PBRM1: variants seen among roughly 807,000 people sequenced by gnomAD.
PBRM1 encodes polybromo 1.
Under a neutral mutation model 194.5 loss-of-function variants are expected in PBRM1, and 27 were observed. The ratio of observed to expected loss-of-function variants is 0.14; its 90% CI spans 0.10 to 0.19. The LOEUF (loss-of-function observed/expected upper bound fraction) is 0.19. PBRM1 is among the 10% of genes least tolerant of loss of function. The pLI, the probability that PBRM1 is intolerant of heterozygous loss-of-function variation, is 1.00. For missense variants in PBRM1, 1,466 were observed against 2,077.2 expected (o/e 0.71, Z 5.72); for synonymous variants, 655 against 693.2 (o/e 0.94, Z 0.87).
intron 11 of PBRM1, among the ~76,000 whole-genome samples, chr3:52,631,979 G>T (rs2095632963): frequency 6.6e-6 from 1 of 152,268 alleles, no homozygotes; most frequent in Middle Eastern, 3.4e-3. Flanking sequence ...TTTCCTTAAA[G>T]ATATTTATTC....
chr3:52,590,906 T>C (rs1051716919), intron 17 of PBRM1, among the ~76,000 whole-genome samples: 1 of 152,270 alleles, frequency 6.6e-6, no homozygotes, highest in African/African-American at 2.4e-5. Flanking sequence ...CATGGAATGT[T>C]TTCCCATTTG....
At chr3:52,670,908 T>C (rs1247993625) in intron 2 of PBRM1, among the ~76,000 whole-genome samples, 1 of 152,220 alleles carries the variant, frequency 6.6e-6, no homozygotes, top group African/African-American at 2.4e-5. Flanking sequence ...ACCATATTTA[T>C]TCTCCAGCCT....
At chr3:52,666,205 C>T (rs2096830754) in intron 3 of PBRM1, among the ~76,000 whole-genome samples, 1 of 152,116 alleles carries the variant, frequency 6.6e-6, no homozygotes, top group East Asian at 1.9e-4. Context: ...TGCTTAAGTC[C>T]AGGAGTTTGA....
Position 52,648,455 on chromosome 3 carries a change from A to G in PBRM1, c.715-13T>C, listed in dbSNP as rs1325481030. 4 of 1,409,778 alleles carry G rather than the reference A, an allele frequency of 2.8e-6. No individual in the cohort carries two copies. In the East Asian group the frequency reaches 6.9e-5, roughly 24 times the overall value. 87.3% of individuals were successfully genotyped at this position (1,409,778 alleles called of 1,614,324 possible). A position where few individuals can be genotyped will look rare whatever the true frequency, so the allele number is the denominator to read the frequency against. ...TGTAGCTTCCATTCTACAATAAACA[A>G]CAAAATATAGCAGTTCCTTTTAATG... On this transcript the variant is annotated splice_polypyrimidine_tract_variant and intron_variant, in intron 6 of 29. Coordinates refer to ENST00000296302, the Ensembl canonical transcript of PBRM1.
exon 29 of PBRM1, chr3:52,550,637 C>A (rs778674241): frequency 2.0e-6 from 3 of 1,524,924 alleles, no homozygotes; most frequent in Non-Finnish European, 2.6e-6. Context: ...AAAACTCCCA[C>A]CTGAAAGAGC....
upstream of PBRM1, among the ~76,000 whole-genome samples, chr3:52,684,338 T>C (rs2097271884): frequency 6.6e-6 from 1 of 152,166 alleles, no homozygotes; most frequent in African/African-American, 2.4e-5. Context: ...AGTGGACAGT[T>C]AAGAATACTT....
intron 22 of PBRM1, among the ~76,000 whole-genome samples, chr3:52,567,117 T>A (rs1241028551): frequency 6.7e-6 from 1 of 149,780 alleles, no homozygotes; most frequent in Admixed American, 6.6e-5. Context: ...GACATATATA[T>A]AAAACAATAA....
intron 10 of PBRM1, among the ~76,000 whole-genome samples, chr3:52,637,724 T>A (rs1190773431): frequency 7.2e-6 from 1 of 138,060 alleles, no homozygotes; most frequent in African/African-American, 2.7e-5. Flanking sequence ...GGCCAGGAGT[T>A]CGAGATCAGC....
At chr3:52,632,803 C>G (rs916202561) in intron 11 of PBRM1, among the ~76,000 whole-genome samples, 46 of 151,832 alleles carry the variant, frequency 3.0e-4, no homozygotes, top group African/African-American at 1.0e-3. Context: ...AAGCAATTCT[C>G]CTACCTCAGC....
chr3:52,597,877 T>C (rs188503118), intron 17 of PBRM1, among the ~76,000 whole-genome samples: 53 of 152,298 alleles, frequency 3.5e-4, no homozygotes, highest in African/African-American at 1.2e-3. Context: ...CTAATTTTTG[T>C]ATTTTTAGTC....
At position 52,610,437 on chromosome 3, in the gene PBRM1, A is replaced by G. The variant is rs1021088901; in HGVS notation, c.1925-482T>C. Among the ~76,000 whole-genome samples, 10 of 152,368 alleles carry G rather than the reference A, an allele frequency of 6.6e-5. No individual in the cohort carries two copies. The East Asian group carries it at 1.5e-3, about 23-fold the overall frequency. On this transcript the variant is annotated intron_variant, in intron 15 of 29. Transcript: ENST00000296302. ...TCTGTCCACTGAAAATCGTACAAAC[A>G]ATGACTACCTCAGTAGCAGTATAGC...
chr3:52,645,489 T>C (rs952400813), intron 7 of PBRM1, among the ~76,000 whole-genome samples: 2 of 151,748 alleles, frequency 1.3e-5, no homozygotes, highest in Non-Finnish European at 2.9e-5. Flanking sequence ...CTGTAGATCT[T>C]AGCAATCTCA....
chr3:52,627,382 C>T lies in PBRM1; in HGVS notation c.1444-12G>A, dbSNP rs2095479290. 6.4e-7 allele frequency: 1 copy of T among 1,562,648 alleles called. No individual in the cohort carries two copies. On this transcript the variant is annotated splice_polypyrimidine_tract_variant and intron_variant, in intron 12 of 29. Coordinates refer to ENST00000296302, the Ensembl canonical transcript of PBRM1. ...TCTTTCTTCTTTGCCTAAAACAGAG[C>T]AGATCTCAGGAGTTGAGCTCATGTG... is the stretch of plus-strand genomic sequence containing the variant.
chr3:52,684,740 A>G (rs1312986682), intron 1 of PBRM1: 1 of 152,214 alleles, frequency 6.6e-6, no homozygotes, highest in Non-Finnish European at 1.5e-5. Flanking sequence ...TATCTTGGGA[A>G]TTTTGGTAGG....
chr3:52,563,227 T>G, intron 24 of PBRM1, 56 bp downstream of exon 26: 1 of 1,380,286 alleles, frequency 7.2e-7, no homozygotes, highest in South Asian at 1.2e-5. Context: ...TGGTTTTGAG[T>G]CTGCTGCAAA....
chr3:52,658,985 A>G (rs1300022724), intron 4 of PBRM1, among the ~76,000 whole-genome samples: 5 of 152,202 alleles, frequency 3.3e-5, no homozygotes, highest in Non-Finnish European at 7.3e-5. Context: ...GTTCACATCT[A>G]TTGAAGTCTT....
intron 23 of PBRM1, 23 bp downstream of exon 25, chr3:52,564,027 T>C (rs1234716556): frequency 1.9e-6 from 3 of 1,567,154 alleles, no homozygotes; most frequent in South Asian, 1.1e-5. Context: ...TGCTCTTTTT[T>C]CCTTAAGTTT....
At chr3:52,638,621 T>A (rs1170150907) in intron 10 of PBRM1, among the ~76,000 whole-genome samples, 4 of 151,630 alleles carry the variant, frequency 2.6e-5, no homozygotes, top group Non-Finnish European at 5.9e-5. Flanking sequence ...AGAGACAGAG[T>A]CTCGTTCTGT....
chr3:52,637,117 A>G (rs1309376992), intron 10 of PBRM1, among the ~76,000 whole-genome samples: 1 of 152,134 alleles, frequency 6.6e-6, no homozygotes, highest in Non-Finnish European at 1.5e-5. Context: ...TCTCTCCCCT[A>G]AAGAGCCTGC....
Sources: gnomAD v4.1 joint callset for allele counts (sites outside exome capture counted in the v4.1 genomes callset) on GRCh38, gnomAD v4.1.1 for gene constraint, MANE v1.5 for transcripts, NCBI Gene and HGNC (gene_info 2026-07-23, HGNC 2026-07-21) for gene names.